DNAH9: variants seen among roughly 807,000 people sequenced by gnomAD.
DNAH9 encodes DNAH9 variant protein.
DNAH9 carries 345 observed loss-of-function variants against 471.6 expected under a neutral mutation model. The observed-to-expected ratio is 0.73, with a 90% CI of 0.67 to 0.80. DNAH9 has a LOEUF of 0.80. Among genes scored for constraint, DNAH9 ranks in the 30% least tolerant of loss-of-function variants. The probability of loss-of-function intolerance (pLI) is 0.00; values close to 1 mark genes in which losing one functional copy is unlikely to be tolerated. For synonymous variants in DNAH9, 2,093 were observed against 2,123.6 expected (o/e 0.99, Z 0.40); for missense variants, 5,407 against 5,609.2 (o/e 0.96, Z 1.15).
chr17:11,698,466 G>A (rs930968063), intron 22 of DNAH9, among the ~76,000 whole-genome samples: 3 of 149,410 alleles, frequency 2.0e-5, no homozygotes, highest in Non-Finnish European at 4.4e-5. Context: ...ATTTTCATAG[G>A]TTCTATATTG....
intron 36 of DNAH9, among the ~76,000 whole-genome samples, chr17:11,764,557 T>C (rs1423931467): frequency 6.6e-6 from 1 of 152,160 alleles, no homozygotes; most frequent in East Asian, 1.9e-4. Flanking sequence ...GCAACCTCAA[T>C]TCCTCTCTCT....
intron 67 of DNAH9, among the ~76,000 whole-genome samples, chr17:11,945,443 A>T (rs1975079499): frequency 6.6e-6 from 1 of 151,708 alleles, no homozygotes; most frequent in South Asian, 2.1e-4. Context: ...AGGCTGAAGC[A>T]GGAGAATCGC....
intron 61 of DNAH9, among the ~76,000 whole-genome samples, chr17:11,911,832 A>C (rs1434283028): frequency 6.6e-6 from 1 of 151,866 alleles, no homozygotes; most frequent in Non-Finnish European, 1.5e-5. Context: ...TTTCTTTTAG[A>C]TTCTGTTGTA....
chr17:11,653,226 C>T (rs2073552723), intron 14 of DNAH9, among the ~76,000 whole-genome samples: 1 of 152,180 alleles, frequency 6.6e-6, no homozygotes, highest in Non-Finnish European at 1.5e-5. Context: ...TTCATGGTGA[C>T]AACATTTAAT....
chr17:11,753,940 C>A (rs1256081889), intron 33 of DNAH9, among the ~76,000 whole-genome samples: 1 of 152,092 alleles, frequency 6.6e-6, no homozygotes, highest in Non-Finnish European at 1.5e-5. Flanking sequence ...CCAATAGTTA[C>A]ATTTTCTGCA....
intron 22 of DNAH9, among the ~76,000 whole-genome samples, chr17:11,695,509 C>CAT (rs1394300401): frequency 6.6e-6 from 1 of 152,192 alleles, no homozygotes; most frequent in Non-Finnish European, 1.5e-5. Flanking sequence ...AGTTACTAGC[C>CAT]ATAGAGTCTT....
chr17:11,812,377 G>A (rs1259890682), intron 45 of DNAH9, among the ~76,000 whole-genome samples: 11 of 151,356 alleles, frequency 7.3e-5, no homozygotes, highest in Non-Finnish European at 8.8e-5. Flanking sequence ...TTTCTCCATA[G>A]TCTATCTAGT....
intron 4 of DNAH9, among the ~76,000 whole-genome samples, chr17:11,615,182 A>G (rs1449691477): frequency 1.3e-5 from 2 of 152,242 alleles, no homozygotes; most frequent in Non-Finnish European, 2.9e-5. Flanking sequence ...AAATTGGCAG[A>G]TGCTACAAAT....
chr17:11,698,180 T>TATATTAATAATATATA (rs1567728543), intron 22 of DNAH9, among the ~76,000 whole-genome samples: 1 of 6,590 alleles, frequency 1.5e-4, no homozygotes, highest in African/African-American at 3.1e-4. Flanking sequence ...ATTAATATAT[T>TATATTAATAATATATA]ATTATATTAA....
chr17:11,929,914 G>T lies in DNAH9; in HGVS notation c.11926G>T (p.Glu3976Ter), dbSNP rs1231699819. 6.2e-7 allele frequency: 1 copy of T among 1,614,024 alleles called. No homozygotes were observed. Among genetic ancestry groups the T allele is most frequent in the Non-Finnish European group, 8.5e-7 (1 of 1,179,992 alleles). Residue 3976 changes from glutamate to a stop codon, truncating the protein, a stop_gained, in exon 63 of 69, where the codon GAG (glutamate) becomes TAG (stop). Coordinates refer to ENST00000262442, the MANE Select transcript of DNAH9 (RefSeq NM_001372.4). LOFTEE classifies it high-confidence loss of function. ...GCTCAGCACCCTGGAGAAGAAGCTG[G>T]AGGAGCACAGTGAGAACAGCCACCC... ...KWLSTLEKKL[E>*]EHSENSHPEF...
intron 67 of DNAH9, 24 bp from the exon 68 acceptor site, chr17:11,961,843 C>T (rs927901265): frequency 6.4e-7 from 1 of 1,573,632 alleles, no homozygotes. Flanking sequence ...CTCACGCTTT[C>T]CCCCTCCCAT....
intron 7 of DNAH9, chr17:11,630,522 A>C (rs1207580121): frequency 6.6e-6 from 1 of 152,170 alleles, no homozygotes. Context: ...ACAGGGAGGG[A>C]AATAACACAC....
intron 62 of DNAH9, among the ~76,000 whole-genome samples, chr17:11,927,562 T>C (rs1974374306): frequency 6.6e-6 from 1 of 152,226 alleles, no homozygotes; most frequent in Admixed American, 6.5e-5. Context: ...GATCTGATGG[T>C]TGTAGGTGTG....
chr17:11,831,917 C>T (rs1567833741), intron 48 of DNAH9, among the ~76,000 whole-genome samples: 1 of 152,072 alleles, frequency 6.6e-6, no homozygotes, highest in Non-Finnish European at 1.5e-5. Context: ...TGTATTGTCA[C>T]CCCACTCAGT....
At chr17:11,723,665 A>AT (rs111749738) in intron 27 of DNAH9, among the ~76,000 whole-genome samples, 25 of 149,948 alleles carry the variant, frequency 1.7e-4, no homozygotes, top group African/African-American at 3.2e-4. Flanking sequence ...AAAAAATTGA[A>AT]TTTTTTTTTT....
Position 11,669,713 on chromosome 17 carries a change from C to A in DNAH9, c.3272C>A (p.Pro1091His). The A allele has an allele frequency of 6.2e-7, 1 of 1,614,108 alleles. No individual in the cohort carries two copies. The highest frequency in any genetic ancestry group is 8.5e-7 in the Non-Finnish European group (1 of 1,179,990). Residue 1091 changes from proline to histidine, a missense_variant, in exon 17 of 69, where the codon CCC becomes CAC. Physicochemically the swap from Pro to His is moderately conservative, Grantham distance 77 (BLOSUM62 -2). Coordinates refer to ENST00000262442, the MANE Select transcript of DNAH9 (RefSeq NM_001372.4). ...GGCTGGATGAAAATTGATATTCGAC[C>A]CTTTAAGGCATCTCTGCTGAATATT... ...FDGWMKIDIRPFKASLLNIIK... is the reference protein window; with the variant it reads ...FDGWMKIDIRHFKASLLNIIK...
intron 61 of DNAH9, among the ~76,000 whole-genome samples, chr17:11,915,267 T>C (rs778276193): frequency 6.6e-6 from 1 of 152,144 alleles, no homozygotes; most frequent in African/African-American, 2.4e-5. Context: ...GGCTCACGCC[T>C]GTAATCCCAG....
chr17:11,646,633 G>T (rs1443502213), intron 11 of DNAH9, among the ~76,000 whole-genome samples: 1 of 152,136 alleles, frequency 6.6e-6, no homozygotes, highest in African/African-American at 2.4e-5. Context: ...TGTGGCTATG[G>T]CCGGGTGCAG....
intron 49 of DNAH9, among the ~76,000 whole-genome samples, chr17:11,842,668 C>T (rs1468224024): frequency 6.6e-6 from 1 of 152,166 alleles, no homozygotes; most frequent in African/African-American, 2.4e-5. Flanking sequence ...TGTTAGAGGG[C>T]AGAAAGCATC....
Sources: allele counts gnomAD v4.1 joint callset (sites outside exome capture counted in the v4.1 genomes callset), GRCh38; gene constraint gnomAD v4.1.1; transcripts MANE v1.5; gene names NCBI Gene and HGNC (gene_info 2026-07-23, HGNC 2026-07-21).